The following PRKG1 variants were observed in gnomAD, a reference collection of about 807,000 sequenced individuals.
PRKG1 encodes the protein cGMP-dependent protein kinase 1.
PRKG1 carries 35 observed loss-of-function variants against 88.1 expected under a neutral mutation model. That is an observed-to-expected ratio of 0.40 (90% CI 0.30 to 0.53). The LOEUF is 0.53. Among genes scored for constraint, PRKG1 ranks in the 20% least tolerant of loss-of-function variants. The pLI is 0.59. For synonymous variants in PRKG1, 303 were observed against 292.5 expected (o/e 1.04, Z -0.37); for missense variants, 540 against 839.8 (o/e 0.64, Z 4.41).
intron 2 of PRKG1, among the ~76,000 whole-genome samples, chr10:51,424,124 C>T (rs1838501022): frequency 6.6e-6 from 1 of 152,062 alleles, no homozygotes; most frequent in Non-Finnish European, 1.5e-5. Flanking sequence ...TAAGATAAAA[C>T]ATACTCTGCT....
At chr10:51,013,931 A>G (rs1010612282) in intron 1 of PRKG1, among the ~76,000 whole-genome samples, 14 of 152,212 alleles carry the variant, frequency 9.2e-5, no homozygotes, top group African/African-American at 3.1e-4. Context: ...GCTGTAAAAC[A>G]TCTTCTGGGT....
chr10:51,149,226 A>T (rs554556776), intron 1 of PRKG1, among the ~76,000 whole-genome samples: 1 of 152,216 alleles, frequency 6.6e-6, no homozygotes, highest in East Asian at 1.9e-4. Context: ...CTTAATCTGA[A>T]CTAGCCTTCC....
intron 2 of PRKG1, among the ~76,000 whole-genome samples, chr10:51,252,915 G>A (rs184089567): frequency 1.9e-4 from 29 of 151,862 alleles, no homozygotes; most frequent in African/African-American, 6.0e-4. Context: ...CAGAGGAGGG[G>A]AATGATTTTG....
At chr10:52,066,475 A>T (rs1846357060) in intron 7 of PRKG1, among the ~76,000 whole-genome samples, 1 of 152,206 alleles carries the variant, frequency 6.6e-6, no homozygotes, top group South Asian at 2.1e-4. Context: ...TGAATAGATG[A>T]ACAAATGAAC....
chr10:50,993,835 TG>T (rs1224326426), intron 1 of PRKG1, among the ~76,000 whole-genome samples: 14 of 152,218 alleles, frequency 9.2e-5, no homozygotes, highest in African/African-American at 1.9e-4. Context: ...TTGTTGTTGT[TG>T]TTGTTTGTAT....
chr10:51,915,389 T>G (rs1842317084), intron 5 of PRKG1, among the ~76,000 whole-genome samples: 1 of 152,240 alleles, frequency 6.6e-6, no homozygotes, highest in Admixed American at 6.5e-5. Flanking sequence ...TGGAAGAGAT[T>G]AAAAGTTTCT....
intron 3 of PRKG1, among the ~76,000 whole-genome samples, chr10:51,688,415 C>T (rs76224747): frequency 0.031 from 4,785 of 152,130 alleles, 256 homozygotes; most frequent in African/African-American, 0.11. Flanking sequence ...GTCTCTCCTG[C>T]GTAATCCCGT....
intron 2 of PRKG1, among the ~76,000 whole-genome samples, chr10:51,239,266 C>A (rs531694877): frequency 6.6e-6 from 1 of 152,024 alleles, no homozygotes; most frequent in South Asian, 2.1e-4. Context: ...TTGGAACATA[C>A]GAAAACAATG....
At chr10:52,123,101 T>C (rs1847857643) in intron 7 of PRKG1, among the ~76,000 whole-genome samples, 1 of 152,226 alleles carries the variant, frequency 6.6e-6, no homozygotes, top group Non-Finnish European at 1.5e-5. Context: ...AATGGCTACA[T>C]TCTTTGTCAC....
chr10:51,612,460 G>A (rs1437111718), intron 3 of PRKG1, among the ~76,000 whole-genome samples: 2 of 151,886 alleles, frequency 1.3e-5, no homozygotes, highest in African/African-American at 4.8e-5. Context: ...AAATGCTACT[G>A]ACTTTTGTAT....
At position 51,205,279 on chromosome 10, in the gene PRKG1, A is replaced by C. The variant is rs180806562; in HGVS notation, c.478+51949A>C. Among the ~76,000 whole-genome samples the C allele has an allele frequency of 1.4e-3, 212 of 150,518 alleles. 1 individual carries two copies. Among genetic ancestry groups the C allele is most frequent in the African/African-American group, 3.8e-3 (154 of 40,962 alleles). On this transcript the variant is annotated intron_variant, in intron 2 of 17. Coordinates refer to ENST00000373980, the MANE Select transcript of PRKG1 (RefSeq NM_006258.4). ...CTCAGCTTCCAGAGTAGCTGAGACC[A>C]CAGGCACTGCCACCATGCCCAGCTA...
chr10:51,960,451 T>A (rs1365858693), intron 5 of PRKG1, among the ~76,000 whole-genome samples: 2 of 152,128 alleles, frequency 1.3e-5, no homozygotes, highest in Non-Finnish European at 2.9e-5. Context: ...AAAATATTTA[T>A]GGGAGTAAGA....
chr10:51,392,556 C>T (rs1438711114), intron 2 of PRKG1, among the ~76,000 whole-genome samples: 1 of 152,062 alleles, frequency 6.6e-6, no homozygotes, highest in Non-Finnish European at 1.5e-5. Flanking sequence ...CGGCAACCAT[C>T]CGATTTCTCA....
At chr10:52,203,002 A>T (rs2132781016) in intron 9 of PRKG1, among the ~76,000 whole-genome samples, 1 of 151,894 alleles carries the variant, frequency 6.6e-6, no homozygotes, top group Non-Finnish European at 1.5e-5. Context: ...GGTTTTTCAC[A>T]TCTCAGTTTT....
intron 1 of PRKG1, among the ~76,000 whole-genome samples, chr10:51,086,494 C>T (rs9415717): frequency 0.89 from 135,452 of 152,238 alleles, 60,447 homozygotes; most frequent in African/African-American, 0.97. Flanking sequence ...TGGGTGTTTG[C>T]TTACATGTTT....
At chr10:52,014,898 T>A (rs1324372791) in intron 5 of PRKG1, among the ~76,000 whole-genome samples, 1 of 152,248 alleles carries the variant, frequency 6.6e-6, no homozygotes, top group Non-Finnish European at 1.5e-5. Flanking sequence ...GGCACACTGA[T>A]GCAAGGCATA....
Position 51,187,371 on chromosome 10 carries a change from A to C in PRKG1, c.478+34041A>C, listed in dbSNP as rs193275504. On this transcript the variant is annotated intron_variant, in intron 2 of 17. Transcript: ENST00000373980. ...TGAAAAACTTGGCTATTTCTTGAGA[A>C]CAGGATACCTGCAAGAAAATATAAT... Among the ~76,000 whole-genome samples, 309 of 152,154 alleles carry C rather than the reference A, an allele frequency of 2.0e-3. 3 individuals carry two copies. In the Middle Eastern group the frequency reaches 0.031, roughly 15 times the overall value.
chr10:51,556,915 T>C (rs10740299), intron 3 of PRKG1, among the ~76,000 whole-genome samples: 63,756 of 151,644 alleles, frequency 0.42, 14,349 homozygotes, highest in East Asian at 0.89. Context: ...CTAGAAAGCA[T>C]TAATTAACCA....
chr10:52,136,990 A>T (rs1278057389), intron 8 of PRKG1, among the ~76,000 whole-genome samples: 3 of 152,086 alleles, frequency 2.0e-5, no homozygotes, highest in East Asian at 1.9e-4. Flanking sequence ...TGTATTTTTT[A>T]AAAAATGAAA....
Sources: gnomAD v4.1 joint callset for allele counts (sites outside exome capture counted in the v4.1 genomes callset) on GRCh38, gnomAD v4.1.1 for gene constraint, MANE v1.5 for transcripts, NCBI Gene and HGNC (gene_info 2026-07-23, HGNC 2026-07-21) for gene names.